DPYD: variants seen among roughly 807,000 people sequenced by gnomAD.
DPYD encodes the protein dihydropyrimidine dehydrogenase [NADP(+)].
DPYD carries 109 observed loss-of-function variants against 116.2 expected under a neutral mutation model. The ratio of observed to expected loss-of-function variants is 0.94; its 90% CI spans 0.80 to 1.10. The LOEUF is 1.10. Among genes scored for constraint, DPYD ranks in the 50% least tolerant of loss-of-function variants. The probability of loss-of-function intolerance (pLI) is 0.00; values close to 1 mark genes in which losing one functional copy is unlikely to be tolerated. For synonymous variants in DPYD, 440 were observed against 432.0 expected (o/e 1.02, Z -0.23); for missense variants, 1,302 against 1,254.5 (o/e 1.04, Z -0.57).
At chr1:97,843,382 T>A (rs1225400406) in intron 2 of DPYD, among the ~76,000 whole-genome samples, 1 of 152,170 alleles carries the variant, frequency 6.6e-6, no homozygotes. Context: ...TTTTACCTCA[T>A]AGCAAATAAT....
intron 16 of DPYD, chr1:97,322,977 C>T (rs1031210730): frequency 6.6e-6 from 1 of 151,844 alleles, no homozygotes; most frequent in East Asian, 1.9e-4. Context: ...TTCTCAGCAT[C>T]TCTTATTCCA....
At chr1:97,794,521 GT>G (rs1206721106) in intron 3 of DPYD, among the ~76,000 whole-genome samples, 2 of 152,182 alleles carry the variant, frequency 1.3e-5, no homozygotes, top group East Asian at 3.8e-4. Flanking sequence ...GATGTTTACA[GT>G]TAACATATAT....
chr1:97,194,298 C>T (rs888365406), intron 19 of DPYD, among the ~76,000 whole-genome samples: 2 of 152,030 alleles, frequency 1.3e-5, no homozygotes, highest in African/African-American at 4.8e-5. Flanking sequence ...GATGAGTGAG[C>T]TCTCACACAA....
intron 3 of DPYD, among the ~76,000 whole-genome samples, chr1:97,771,366 T>C (rs1159046056): frequency 6.6e-6 from 1 of 152,178 alleles, no homozygotes; most frequent in African/African-American, 2.4e-5. Flanking sequence ...CTATTTCACA[T>C]TTCTAGTAAA....
intron 2 of DPYD, among the ~76,000 whole-genome samples, chr1:97,835,100 C>T (rs1669705647): frequency 6.6e-6 from 1 of 151,898 alleles, no homozygotes; most frequent in Non-Finnish European, 1.5e-5. Context: ...TACAATCAGG[C>T]CCTGTCTAGG....
At chr1:97,697,781 G>A (rs958745735) in intron 6 of DPYD, among the ~76,000 whole-genome samples, 1 of 151,938 alleles carries the variant, frequency 6.6e-6, no homozygotes, top group Non-Finnish European at 1.5e-5. Flanking sequence ...AAAAGAGATA[G>A]GCTAACAACA....
At chr1:97,137,549 T>C (rs1210649983) in intron 20 of DPYD, among the ~76,000 whole-genome samples, 2 of 152,140 alleles carry the variant, frequency 1.3e-5, no homozygotes, top group Non-Finnish European at 2.9e-5. Context: ...GGAAAGACAA[T>C]TTCTCTCATT....
intron 12 of DPYD, among the ~76,000 whole-genome samples, chr1:97,542,579 A>T (rs553614465): frequency 5.9e-5 from 9 of 152,120 alleles, no homozygotes; most frequent in Non-Finnish European, 1.2e-4. Context: ...TCCACATCCT[A>T]ATACCCACAT....
intron 12 of DPYD, among the ~76,000 whole-genome samples, chr1:97,533,412 A>G (rs1399203062): frequency 6.6e-6 from 1 of 152,218 alleles, no homozygotes; most frequent in Non-Finnish European, 1.5e-5. Flanking sequence ...AAAATAATAA[A>G]TAACATGTTG....
At chr1:97,744,518 C>T (rs1439766764) in intron 3 of DPYD, among the ~76,000 whole-genome samples, 1 of 151,986 alleles carries the variant, frequency 6.6e-6, no homozygotes, top group Non-Finnish European at 1.5e-5. Context: ...ATTGTCTTAG[C>T]TTTGCTAGAG....
chr1:97,395,589 T>C (rs941622012), intron 14 of DPYD, among the ~76,000 whole-genome samples: 5 of 152,086 alleles, frequency 3.3e-5, no homozygotes, highest in Non-Finnish European at 7.4e-5. Flanking sequence ...GTTGATTTTA[T>C]GTCTTCAACC....
intron 12 of DPYD, among the ~76,000 whole-genome samples, chr1:97,530,507 G>C (rs1457574330): frequency 6.6e-6 from 1 of 152,056 alleles, no homozygotes; most frequent in Non-Finnish European, 1.5e-5. Flanking sequence ...GTGAGCCACC[G>C]CGCCTGGCCA....
chr1:97,740,586 G>T, intron 3 of DPYD, 107 bp from the exon 4 acceptor site: 1 of 986,788 alleles, frequency 1.0e-6, no homozygotes, highest in Non-Finnish European at 1.6e-6. Context: ...AAATAAAATC[G>T]TATCATTTTT....
chr1:97,515,342 A>G (rs982889073), intron 13 of DPYD, among the ~76,000 whole-genome samples: 1 of 151,970 alleles, frequency 6.6e-6, no homozygotes, highest in African/African-American at 2.4e-5. Context: ...TTACACTGAG[A>G]TTCTTTTCAA....
At chr1:97,513,569 C>A (rs1647968617) in intron 13 of DPYD, among the ~76,000 whole-genome samples, 1 of 151,700 alleles carries the variant, frequency 6.6e-6, no homozygotes, top group African/African-American at 2.4e-5. Flanking sequence ...AATTTTAATT[C>A]ATTTTAAATA....
At chr1:97,300,378 G>A (rs145813648) in intron 18 of DPYD, among the ~76,000 whole-genome samples, 31 of 152,180 alleles carry the variant, frequency 2.0e-4, no homozygotes, top group African/African-American at 7.5e-4. Context: ...GCTTAAATTT[G>A]ATGACAGATA....
chr1:97,309,030 C>A (rs961089234), intron 16 of DPYD, among the ~76,000 whole-genome samples: 7 of 151,808 alleles, frequency 4.6e-5, no homozygotes, highest in Non-Finnish European at 1.0e-4. Flanking sequence ...CATATTTTCA[C>A]ATTATTTCCT....
intron 2 of DPYD, among the ~76,000 whole-genome samples, chr1:97,869,479 T>C (rs1362501149): frequency 6.6e-6 from 1 of 151,760 alleles, no homozygotes; most frequent in Non-Finnish European, 1.5e-5. Flanking sequence ...TAAGGACCAT[T>C]TTGAGCTGAA....
Position 97,136,512 on chromosome 1 carries a change from A to AT in DPYD, c.2623-37881dup, listed in dbSNP as rs768034712. On this transcript the variant is annotated intron_variant, in intron 20 of 22. Transcript: ENST00000370192. ...TTTTTCCTTTTGGACACGTAATGAG[A>AT]TTTTTTTTCCCATGCCAGACTGGGG... 3.8e-4 allele frequency among the ~76,000 whole-genome samples: 57 copies of AT among 151,924 alleles called. 1 individual carries two copies. Among genetic ancestry groups the AT allele is most frequent in the African/African-American group, 9.9e-4 (41 of 41,424 alleles).
Sources: gnomAD v4.1 joint callset for allele counts (sites outside exome capture counted in the v4.1 genomes callset) on GRCh38, gnomAD v4.1.1 for gene constraint, MANE v1.5 for transcripts, NCBI Gene and HGNC (gene_info 2026-07-23, HGNC 2026-07-21) for gene names.